The following DGKB variants were observed in gnomAD, a reference collection of about 807,000 sequenced individuals.
The protein encoded by DGKB is diacylglycerol kinase beta.
In DGKB, 67 loss-of-function variants were observed where a neutral mutation model predicts 114.3. The ratio of observed to expected loss-of-function variants is 0.59; its 90% CI spans 0.48 to 0.72. The LOEUF is 0.72. DGKB is among the 30% of genes least tolerant of loss of function. DGKB has a pLI of 0.00. For synonymous variants in DGKB, 398 were observed against 323.1 expected (o/e 1.23, Z -2.49); for missense variants, 907 against 975.2 (o/e 0.93, Z 0.93).
At chr7:14,343,611 G>C (rs1811988282) in intron 22 of DGKB, among the ~76,000 whole-genome samples, 1 of 151,446 alleles carries the variant, frequency 6.6e-6, no homozygotes, top group African/African-American at 2.4e-5. Flanking sequence ...GTAGGATAAA[G>C]TAAAGGGAGG....
At chr7:14,349,484 T>G (rs917696250) in intron 21 of DGKB, among the ~76,000 whole-genome samples, 1 of 152,176 alleles carries the variant, frequency 6.6e-6, no homozygotes, top group Non-Finnish European at 1.5e-5. Flanking sequence ...TATGTGTGTT[T>G]CTATCAGTTA....
intron 21 of DGKB, among the ~76,000 whole-genome samples, chr7:14,415,267 T>A (rs1465495261): frequency 1.3e-5 from 2 of 149,282 alleles, no homozygotes; most frequent in African/African-American, 2.4e-5. Context: ...TACATATTTT[T>A]AAATTTTAGT....
At chr7:14,970,617 G>C (rs918843589) in intron 1 of DGKB, among the ~76,000 whole-genome samples, 3 of 151,996 alleles carry the variant, frequency 2.0e-5, no homozygotes, top group Non-Finnish European at 2.9e-5. Flanking sequence ...GAATGCTCCC[G>C]TGTCATCAAT....
intron 23 of DGKB, among the ~76,000 whole-genome samples, chr7:14,310,918 C>G (rs1805281725): frequency 1.3e-5 from 2 of 152,012 alleles, no homozygotes; most frequent in African/African-American, 4.8e-5. Context: ...GCTTTGAGAC[C>G]AAGAGTTTGA....
At position 14,701,678 on chromosome 7, in the gene DGKB, T is replaced by A; in HGVS notation, c.516+3A>T. On this transcript the variant is annotated splice_donor_region_variant and intron_variant, in intron 7 of 25. Transcript: ENST00000402815. ...TCACAGAAACTTTGAAGAAAAAAAT[T>A]ACCGAGCTGTCCAGGAAGCCATTCC... 6.2e-7 allele frequency: 1 copy of A among 1,605,206 alleles called. No individual in the cohort carries two copies. The highest frequency in any genetic ancestry group is 8.5e-7 in the Non-Finnish European group (1 of 1,172,520).
At chr7:14,435,077 C>T (rs1829039054) in intron 21 of DGKB, among the ~76,000 whole-genome samples, 1 of 152,100 alleles carries the variant, frequency 6.6e-6, no homozygotes, top group Admixed American at 6.6e-5. Context: ...CTACTGCTCA[C>T]CTTATTTTGC....
chr7:14,931,862 T>C (rs1785036703), intron 1 of DGKB, among the ~76,000 whole-genome samples: 1 of 152,070 alleles, frequency 6.6e-6, no homozygotes, highest in Admixed American at 6.6e-5. Flanking sequence ...GGGGTGGGGA[T>C]ACCTGGTTTC....
intron 15 of DGKB, among the ~76,000 whole-genome samples, chr7:14,617,026 G>A (rs1408629645): frequency 1.3e-5 from 2 of 151,670 alleles, no homozygotes; most frequent in East Asian, 3.9e-4. Flanking sequence ...GTTAAAAACA[G>A]TACATTTAAA....
chr7:14,437,094 A>C (rs1829392766), intron 21 of DGKB, among the ~76,000 whole-genome samples: 2 of 152,064 alleles, frequency 1.3e-5, no homozygotes, highest in Non-Finnish European at 2.9e-5. Context: ...GCAAACTATA[A>C]ATTTTATTTT....
chr7:14,428,857 G>T (rs1479218117), intron 21 of DGKB, among the ~76,000 whole-genome samples: 1 of 152,038 alleles, frequency 6.6e-6, no homozygotes, highest in Non-Finnish European at 1.5e-5. Flanking sequence ...TAGGAAAACA[G>T]GCTGAAAAGA....
chr7:14,508,394 C>A (rs1787438605), intron 20 of DGKB, among the ~76,000 whole-genome samples: 1 of 152,158 alleles, frequency 6.6e-6, no homozygotes, highest in East Asian at 1.9e-4. Context: ...AAGGCTCATT[C>A]ATTTAAATAA....
intron 1 of DGKB, among the ~76,000 whole-genome samples, chr7:14,862,950 T>A (rs1165333332): frequency 6.6e-6 from 1 of 152,076 alleles, no homozygotes; most frequent in African/African-American, 2.4e-5. Flanking sequence ...CTGAAATGAT[T>A]ATTTTAAATG....
rs1177125401 is a variant in DGKB, at chr7:14,423,200, T to A, written c.1835+54961A>T. On this transcript the variant is annotated intron_variant, in intron 21 of 25. Coordinates refer to ENST00000402815, the MANE Select transcript of DGKB (RefSeq NM_001350709.2). Reference sequence around the variant, plus strand: ...AGATAGCTGGATTGCTAGACAATAGTCAGCATAATATCACTATTATTAAAA... The same window carrying A: ...AGATAGCTGGATTGCTAGACAATAGACAGCATAATATCACTATTATTAAAA... 1.3e-5 allele frequency among the ~76,000 whole-genome samples: 2 copies of A among 152,186 alleles called. 1 individual carries two copies. The highest frequency in any genetic ancestry group is 3.9e-4 in the East Asian group (2 of 5,182).
At chr7:14,780,634 T>G (rs562230586) in intron 2 of DGKB, among the ~76,000 whole-genome samples, 8 of 151,950 alleles carry the variant, frequency 5.3e-5, no homozygotes, top group Non-Finnish European at 1.2e-4. Context: ...TCCACAGATT[T>G]TTTTTTCACA....
chr7:14,231,097 TTC>T (rs1386310312), intron 23 of DGKB, among the ~76,000 whole-genome samples: 1 of 108,424 alleles, frequency 9.2e-6, no homozygotes, highest in African/African-American at 3.6e-5. Context: ...CTTTCTTTCT[TTC>T]TTTCTTTCTT....
At chr7:14,901,605 A>ACCCCCCCCCCCCCCCCCCCCCCCCC (rs1300363624) in intron 1 of DGKB, among the ~76,000 whole-genome samples, 48 of 123,160 alleles carry the variant, frequency 3.9e-4, no homozygotes, top group East Asian at 8.2e-4. Context: ...AGGGATTTCC[A>ACCCCCCCCCCCCCCCCCCCCCCCCC]CCCCCCCCCA....
intron 23 of DGKB, among the ~76,000 whole-genome samples, chr7:14,189,397 A>G (rs1188648887): frequency 6.6e-6 from 1 of 152,158 alleles, no homozygotes; most frequent in Non-Finnish European, 1.5e-5. Flanking sequence ...TCACAAACAA[A>G]TAATGTACTG....
intron 21 of DGKB, among the ~76,000 whole-genome samples, chr7:14,431,516 C>T (rs1293975737): frequency 6.6e-6 from 1 of 152,018 alleles, no homozygotes; most frequent in Non-Finnish European, 1.5e-5. Flanking sequence ...CACCATGTCA[C>T]GAACCAAAGA....
chr7:14,738,433 C>A (rs1291123671), intron 4 of DGKB, among the ~76,000 whole-genome samples: 1 of 152,196 alleles, frequency 6.6e-6, no homozygotes, highest in Non-Finnish European at 1.5e-5. Flanking sequence ...ACTCTTGAAT[C>A]CAACACAAGC....
Sources: gnomAD v4.1 joint callset for allele counts (sites outside exome capture counted in the v4.1 genomes callset) on GRCh38, gnomAD v4.1.1 for gene constraint, MANE v1.5 for transcripts, NCBI Gene and HGNC (gene_info 2026-07-23, HGNC 2026-07-21) for gene names.